TRAPPC9: variants seen among roughly 807,000 people sequenced by gnomAD.
TRAPPC9 encodes the protein IKK2 binding protein.
In TRAPPC9, 83 loss-of-function variants were observed where a neutral mutation model predicts 124.0. That is an observed-to-expected ratio of 0.67 (90% CI 0.56 to 0.80). TRAPPC9 has a LOEUF of 0.80. Ranked by LOEUF, TRAPPC9 falls within the 30% of genes least tolerant of loss-of-function variation. The pLI is 0.00. For missense variants in TRAPPC9, 1,302 were observed against 1,508.3 expected, an observed-to-expected ratio of 0.86 and a Z score of 2.27; for synonymous variants, 638 against 617.5, an observed-to-expected ratio of 1.03 and a Z score of -0.49.
chr8:139,747,533 A>T lies in TRAPPC9; in HGVS notation c.3056-15331T>A, dbSNP rs377328211. Among the ~76,000 whole-genome samples, 183 of 57,304 alleles carry T rather than the reference A, an allele frequency of 3.2e-3. 3 individuals are homozygous for T. In the East Asian group the frequency reaches 0.056, roughly 18 times the overall value. 37.6% of individuals were successfully genotyped at this position (57,304 alleles called of 152,430 possible). A position where few individuals can be genotyped will look rare whatever the true frequency, so the allele number is the denominator to read the frequency against. The stretch of plus-strand genomic sequence containing the variant: ...AGATGCAGGGGGTACACACAGCAGG[A>T]GTCAGAGCAGGTAGGGGGGGCGTAC... On this transcript the variant is annotated intron_variant, in intron 21 of 22. Transcript: ENST00000438773.
chr8:139,988,697 G>C, intron 19 of TRAPPC9, 29 bp downstream of exon 19: 2 of 1,468,224 alleles, frequency 1.4e-6, no homozygotes, highest in Non-Finnish European at 1.9e-6. Flanking sequence ...GGTGGCCTGC[G>C]GCGGCGCGAG....
At chr8:139,793,522 G>C (rs1822846902) in intron 21 of TRAPPC9, among the ~76,000 whole-genome samples, 1 of 152,152 alleles carries the variant, frequency 6.6e-6, no homozygotes, top group Non-Finnish European at 1.5e-5. Context: ...CGCTGACCTG[G>C]GGCCTGGACT....
At chr8:139,743,469 C>T (rs1222773593) in intron 21 of TRAPPC9, among the ~76,000 whole-genome samples, 3 of 152,348 alleles carry the variant, frequency 2.0e-5, no homozygotes, top group South Asian at 4.1e-4. Flanking sequence ...TTTTAAGGCT[C>T]TATCCAGCCT....
intron 7 of TRAPPC9, among the ~76,000 whole-genome samples, chr8:140,380,258 GA>G (rs912583321): frequency 6.6e-6 from 1 of 152,002 alleles, no homozygotes; most frequent in Non-Finnish European, 1.5e-5. Context: ...CAATGGAATA[GA>G]AAAAAAATTA....
chr8:139,793,208 G>A (rs532231983), intron 21 of TRAPPC9, among the ~76,000 whole-genome samples: 2 of 152,078 alleles, frequency 1.3e-5, no homozygotes, highest in African/African-American at 4.8e-5. Flanking sequence ...CAGGGGACTC[G>A]GCTGTCCCCT....
intron 20 of TRAPPC9, among the ~76,000 whole-genome samples, chr8:139,896,331 T>C (rs1486916498): frequency 2.0e-5 from 3 of 152,182 alleles, no homozygotes; most frequent in Non-Finnish European, 4.4e-5. Flanking sequence ...ATAATGATGA[T>C]GACAATAGTA....
At chr8:139,749,745 T>C (rs566216728) in intron 21 of TRAPPC9, among the ~76,000 whole-genome samples, 9 of 152,270 alleles carry the variant, frequency 5.9e-5, no homozygotes, top group African/African-American at 2.2e-4. Context: ...TAGTGGCCCA[T>C]CTGCTTGAAC....
At chr8:140,326,751 T>C (rs889134324) in intron 9 of TRAPPC9, among the ~76,000 whole-genome samples, 4 of 152,128 alleles carry the variant, frequency 2.6e-5, no homozygotes, top group African/African-American at 7.2e-5. Context: ...CGTAATGGCA[T>C]GTGCCTGTAG....
At chr8:139,777,319 T>C (rs1014859671) in intron 21 of TRAPPC9, among the ~76,000 whole-genome samples, 2 of 152,196 alleles carry the variant, frequency 1.3e-5, no homozygotes, top group African/African-American at 4.8e-5. Flanking sequence ...ATAGAGAGCT[T>C]CATTTTTCTA....
chr8:140,450,680 A>C lies in TRAPPC9; in HGVS notation c.584+110T>G, dbSNP rs2071421863. ...TTCTGACAGAAAGTCATTAGTTTTA[A>C]AAACCAATGGACAACACCTTTCTAC... On this transcript the variant is annotated intron_variant, in intron 2 of 22. Coordinates refer to ENST00000438773, the MANE Select transcript of TRAPPC9 (RefSeq NM_001160372.4). 1.6e-5 allele frequency: 15 copies of C among 910,438 alleles called. No homozygotes were observed. The East Asian group carries it at 3.7e-4, about 22-fold the overall frequency. The allele number at this position is 910,438 out of a possible 1,614,324, so 56.4% of individuals were successfully genotyped here. A position where few individuals can be genotyped will look rare whatever the true frequency, so the allele number is the denominator to read the frequency against.
chr8:140,383,884 A>C (rs1360314827), intron 7 of TRAPPC9, among the ~76,000 whole-genome samples: 1 of 152,220 alleles, frequency 6.6e-6, no homozygotes, highest in Non-Finnish European at 1.5e-5. Flanking sequence ...AGTTGAAATG[A>C]AGGAAAAAAT....
intron 5 of TRAPPC9, among the ~76,000 whole-genome samples, chr8:140,418,675 A>G (rs865784668): frequency 6.6e-6 from 1 of 152,068 alleles, no homozygotes; most frequent in South Asian, 2.1e-4. Flanking sequence ...GAGCCGAGAT[A>G]TGCAACTGCA....
intron 5 of TRAPPC9, among the ~76,000 whole-genome samples, chr8:140,413,348 A>G (rs1020260420): frequency 6.6e-6 from 1 of 152,084 alleles, no homozygotes; most frequent in Non-Finnish European, 1.5e-5. Flanking sequence ...GAGATCACAC[A>G]TTGCACTCCA....
intron 4 of TRAPPC9, among the ~76,000 whole-genome samples, chr8:140,430,029 C>T (rs1465435237): frequency 6.6e-6 from 1 of 151,586 alleles, no homozygotes; most frequent in Non-Finnish European, 1.5e-5. Flanking sequence ...CGCCTGTAAT[C>T]CCAGCTACTT....
intron 21 of TRAPPC9, among the ~76,000 whole-genome samples, chr8:139,764,397 A>T (rs1820442078): frequency 6.6e-6 from 1 of 152,112 alleles, no homozygotes; most frequent in South Asian, 2.1e-4. Context: ...AGAAAGAAAG[A>T]CCAGGGAGCA....
At chr8:140,166,595 C>T (rs987934082) in intron 17 of TRAPPC9, among the ~76,000 whole-genome samples, 1 of 152,196 alleles carries the variant, frequency 6.6e-6, no homozygotes, top group African/African-American at 2.4e-5. Context: ...TTTCCCCAGA[C>T]ATCTCAGGGT....
At chr8:139,872,931 G>A (rs534418742) in intron 21 of TRAPPC9, among the ~76,000 whole-genome samples, 2 of 32,440 alleles carry the variant, frequency 6.2e-5, no homozygotes, top group African/African-American at 1.3e-4. Context: ...TGGATGGATG[G>A]GTGGGTTGGT....
intron 9 of TRAPPC9, among the ~76,000 whole-genome samples, chr8:140,328,743 A>G (rs1433673656): frequency 6.6e-6 from 1 of 151,930 alleles, no homozygotes; most frequent in Non-Finnish European, 1.5e-5. Flanking sequence ...AATTTTAAAA[A>G]AAGGTCCTGG....
chr8:139,805,265 G>A (rs960787856), intron 21 of TRAPPC9, among the ~76,000 whole-genome samples: 1 of 152,214 alleles, frequency 6.6e-6, no homozygotes, highest in Non-Finnish European at 1.5e-5. Flanking sequence ...GTGGCGTGAG[G>A]TGTGCCTGGG....
Sources: gnomAD v4.1 joint callset for allele counts (sites outside exome capture counted in the v4.1 genomes callset) on GRCh38, gnomAD v4.1.1 for gene constraint, MANE v1.5 for transcripts, NCBI Gene and HGNC (gene_info 2026-07-23, HGNC 2026-07-21) for gene names.